Variants in RALYL observed in about 807,000 individuals in gnomAD.
RALYL encodes the protein RALY RNA binding protein like.
In RALYL, 29 loss-of-function variants were observed where a neutral mutation model predicts 35.1. That is an observed-to-expected ratio of 0.83 (90% CI 0.61 to 1.13). The LOEUF is 1.13. Among genes scored for constraint, RALYL ranks in the 50% most tolerant of loss-of-function variants. The pLI, the probability that RALYL is intolerant of heterozygous loss-of-function variation, is 0.00. For missense variants in RALYL, 359 were observed against 360.4 expected (o/e 1.00, Z 0.03); for synonymous variants, 120 against 127.6 (o/e 0.94, Z 0.40).
chr8:84,600,355 C>G (rs958265527), intron 2 of RALYL, among the ~76,000 whole-genome samples: 1 of 151,998 alleles, frequency 6.6e-6, no homozygotes, highest in Admixed American at 6.6e-5. Context: ...AGACAAATCA[C>G]TGATTGTGAG....
chr8:84,800,324 T>C (rs886691130), intron 3 of RALYL, among the ~76,000 whole-genome samples: 6 of 152,250 alleles, frequency 3.9e-5, no homozygotes, highest in Admixed American at 3.3e-4. Context: ...TCTTTTGGTC[T>C]CAGTTTCCTC....
At position 84,723,005 on chromosome 8, in the gene RALYL, A is replaced by G. The variant is rs771572099; in HGVS notation, c.257-51574A>G. Among the ~76,000 whole-genome samples, 87 of 152,066 alleles carry G rather than the reference A, an allele frequency of 5.7e-4. 1 individual carries two copies. Among genetic ancestry groups the G allele is most frequent in the Non-Finnish European group, 7.5e-4 (51 of 67,984 alleles). ...TTTCAAAAAAAGCTTGCTTCACTGA[A>G]GTATATGAAGGTAGTCCCAATATTT... On this transcript the variant is annotated intron_variant, in intron 2 of 8. Transcript: ENST00000521268.
At chr8:84,719,403 C>T (rs1843488511) in intron 2 of RALYL, among the ~76,000 whole-genome samples, 1 of 152,144 alleles carries the variant, frequency 6.6e-6, no homozygotes, top group Admixed American at 6.5e-5. Flanking sequence ...TGCATGATAT[C>T]ACCTGCCAAG....
At chr8:84,762,053 A>G (rs1231148785) in intron 2 of RALYL, among the ~76,000 whole-genome samples, 3 of 152,110 alleles carry the variant, frequency 2.0e-5, no homozygotes, top group Admixed American at 6.6e-5. Flanking sequence ...GGGAAGGGCA[A>G]CAAAGCACCA....
intron 1 of RALYL, among the ~76,000 whole-genome samples, chr8:84,311,794 A>G (rs1278399198): frequency 6.6e-6 from 1 of 152,252 alleles, no homozygotes; most frequent in Non-Finnish European, 1.5e-5. Flanking sequence ...TCATTTAAGA[A>G]GCATGGTACT....
intron 2 of RALYL, among the ~76,000 whole-genome samples, chr8:84,548,977 G>T (rs577150367): frequency 2.0e-5 from 3 of 152,056 alleles, no homozygotes; most frequent in African/African-American, 4.8e-5. Context: ...TTATGTACTC[G>T]CAAATTGGAT....
intron 2 of RALYL, among the ~76,000 whole-genome samples, chr8:84,682,646 C>A (rs534829106): frequency 6.6e-6 from 1 of 152,266 alleles, no homozygotes; most frequent in East Asian, 1.9e-4. Flanking sequence ...TTATAGTATT[C>A]TCTGATGGTA....
intron 1 of RALYL, among the ~76,000 whole-genome samples, chr8:84,295,949 T>C (rs975699200): frequency 1.5e-4 from 23 of 152,138 alleles, no homozygotes; most frequent in African/African-American, 5.1e-4. Context: ...TTTGAGCTAA[T>C]GGGGAAAAGC....
chr8:84,764,147 G>A (rs1026133726), intron 2 of RALYL, among the ~76,000 whole-genome samples: 4 of 152,198 alleles, frequency 2.6e-5, no homozygotes, highest in Non-Finnish European at 5.9e-5. Flanking sequence ...AACGAACCCT[G>A]AGGGTGGTCT....
intron 2 of RALYL, among the ~76,000 whole-genome samples, chr8:84,555,003 T>G (rs1036439965): frequency 1.1e-4 from 16 of 152,028 alleles, no homozygotes; most frequent in South Asian, 2.1e-4. Flanking sequence ...TATGTTGGCC[T>G]GGCACAGTGG....
At chr8:84,699,037 GATAGATA>G (rs1341415107) in intron 2 of RALYL, among the ~76,000 whole-genome samples, 27 of 152,162 alleles carry the variant, frequency 1.8e-4, no homozygotes, top group African/African-American at 6.5e-4. Flanking sequence ...TAGATAGATA[GATAGATA>G]GATAGATAGA....
Position 84,638,049 on chromosome 8 carries a change from AT to A in RALYL, c.256+108473del, listed in dbSNP as rs530170437. 6.5e-3 allele frequency among the ~76,000 whole-genome samples: 983 copies of A among 152,098 alleles called. 7 individuals carry two copies. The highest frequency in any genetic ancestry group is 0.011 in the Non-Finnish European group (761 of 67,934). On this transcript the variant is annotated intron_variant, in intron 2 of 8. Transcript: ENST00000521268. Reference sequence around the variant, plus strand: ...CATGAAACTTTCTCCAAGATAGACCATATGACAGGCCACAAAACAATTCTCA... The same window carrying A: ...CATGAAACTTTCTCCAAGATAGACCAATGACAGGCCACAAAACAATTCTCA...
At chr8:84,401,925 C>T (rs908098916) in intron 1 of RALYL, among the ~76,000 whole-genome samples, 6 of 151,086 alleles carry the variant, frequency 4.0e-5, no homozygotes, top group Admixed American at 2.6e-4. Flanking sequence ...ATCTTGTTTG[C>T]TCTTGAAGGC....
chr8:84,377,466 T>TGTTTGTTTGTTTGTTTGTTTG (rs1467831543), intron 1 of RALYL, among the ~76,000 whole-genome samples: 4 of 147,672 alleles, frequency 2.7e-5, no homozygotes, highest in African/African-American at 1.0e-4. Flanking sequence ...TTTTTTTTTT[T>TGTTTGTTTGTTTGTTTGTTTG]TTTTTTTTTC....
chr8:84,905,422 C>T (rs750409575), intron 8 of RALYL, among the ~76,000 whole-genome samples: 1 of 152,074 alleles, frequency 6.6e-6, no homozygotes, highest in East Asian at 1.9e-4. Flanking sequence ...ATTTCAATTT[C>T]TTTGGATAAA....
chr8:84,606,817 T>C (rs1428882956), intron 2 of RALYL, among the ~76,000 whole-genome samples: 1 of 152,156 alleles, frequency 6.6e-6, no homozygotes, highest in Non-Finnish European at 1.5e-5. Flanking sequence ...ACCATACATA[T>C]ATTTGTTTAA....
intron 1 of RALYL, among the ~76,000 whole-genome samples, chr8:84,390,271 A>G (rs1860331072): frequency 6.6e-6 from 1 of 152,018 alleles, no homozygotes; most frequent in Non-Finnish European, 1.5e-5. Flanking sequence ...TTTTTGCATC[A>G]ATGTTCATCA....
At chr8:84,250,754 CAT>C (rs1172152862) in intron 1 of RALYL, among the ~76,000 whole-genome samples, 2 of 152,086 alleles carry the variant, frequency 1.3e-5, no homozygotes, top group Non-Finnish European at 2.9e-5. Flanking sequence ...TTCAGTCTAT[CAT>C]GTACTTTCTT....
At chr8:84,347,620 C>T (rs1167553966) in intron 1 of RALYL, among the ~76,000 whole-genome samples, 2 of 152,082 alleles carry the variant, frequency 1.3e-5, no homozygotes, top group Non-Finnish European at 2.9e-5. Flanking sequence ...TTGCCCATTG[C>T]TTCACCTTGG....
Sources: allele counts gnomAD v4.1 joint callset (sites outside exome capture counted in the v4.1 genomes callset), GRCh38; gene constraint gnomAD v4.1.1; transcripts MANE v1.5; gene names NCBI Gene and HGNC (gene_info 2026-07-23, HGNC 2026-07-21).